The following MGMT variants were observed in gnomAD, a reference collection of about 807,000 sequenced individuals.
MGMT encodes O-6-methylguanine-DNA methyltransferase, also known as methylated-DNA--protein-cysteine methyltransferase.
Under a neutral mutation model 15.9 loss-of-function variants are expected in MGMT, and 14 were observed. That is an observed-to-expected ratio of 0.88 (90% CI 0.58 to 1.37). MGMT has a LOEUF of 1.37. Among genes scored for constraint, MGMT ranks in the 40% most tolerant of loss-of-function variants. The pLI is 0.00. For synonymous variants in MGMT, 130 were observed against 118.2 expected (o/e 1.10, Z -0.65); for missense variants, 282 against 268.1 (o/e 1.05, Z -0.36).
intron 2 of MGMT, among the ~76,000 whole-genome samples, chr10:129,602,334 T>C (rs1846833798): frequency 6.6e-6 from 1 of 152,142 alleles, no homozygotes; most frequent in Non-Finnish European, 1.5e-5. Context: ...GAGGTTGGCA[T>C]TTGAGACCTC....
At chr10:129,605,079 T>C (rs972299694) in intron 2 of MGMT, among the ~76,000 whole-genome samples, 11 of 152,332 alleles carry the variant, frequency 7.2e-5, no homozygotes, top group African/African-American at 2.6e-4. Context: ...GACTGCATCT[T>C]GTTGTTTCTT....
rs184112253 is a variant in MGMT, at chr10:129,677,785, G to A, written c.126-30110G>A. 2.1e-4 allele frequency among the ~76,000 whole-genome samples: 32 copies of A among 152,314 alleles called. No individual in the cohort carries two copies. In the East Asian group the frequency reaches 4.6e-3, roughly 22 times the overall value. Reference sequence around the variant, plus strand: ...TGAAGGGTGTGGGCCAGCCGGGGGCGAAGGAACAGGTCACCGAGGCCACTG... The same window carrying A: ...TGAAGGGTGTGGGCCAGCCGGGGGCAAAGGAACAGGTCACCGAGGCCACTG... On this transcript the variant is annotated intron_variant, in intron 2 of 4. Transcript: ENST00000651593.
chr10:129,603,995 A>G (rs960584243), intron 2 of MGMT, among the ~76,000 whole-genome samples: 12 of 152,126 alleles, frequency 7.9e-5, no homozygotes, highest in African/African-American at 2.7e-4. Flanking sequence ...CTCTTAGAAG[A>G]TTTGATGTGT....
chr10:129,504,683 G>GC (rs1845607675), intron 1 of MGMT, among the ~76,000 whole-genome samples: 1 of 152,118 alleles, frequency 6.6e-6, no homozygotes, highest in Non-Finnish European at 1.5e-5. Context: ...TCCTCCCCTG[G>GC]CCAGATTGTG....
intron 2 of MGMT, among the ~76,000 whole-genome samples, chr10:129,606,496 G>A (rs755442187): frequency 6.6e-6 from 1 of 152,210 alleles, no homozygotes; most frequent in Non-Finnish European, 1.5e-5. Flanking sequence ...TGTGGGCACC[G>A]AGGGCCTCCG....
At position 129,618,020 on chromosome 10, in the gene MGMT, G is replaced by T. The variant is rs543177717; in HGVS notation, c.125+81643G>T. 2.6e-5 allele frequency among the ~76,000 whole-genome samples: 4 copies of T among 152,102 alleles called. No homozygotes were observed. The South Asian group carries it at 8.3e-4, about 32-fold the overall frequency. ...GGGTGTGAAGAGGCCTCCTGTGTGG[G>T]CTGCACCACTGTCTCCGGGATTCTT... is the stretch of plus-strand genomic sequence containing the variant. On this transcript the variant is annotated intron_variant, in intron 2 of 4. Transcript: ENST00000651593.
At position 129,676,293 on chromosome 10, in the gene MGMT, G is replaced by A. The variant is rs1469881614; in HGVS notation, c.126-31602G>A. 2.0e-5 allele frequency among the ~76,000 whole-genome samples: 3 copies of A among 152,200 alleles called. No individual in the cohort carries two copies. The South Asian group carries it at 6.2e-4, about 32-fold the overall frequency. On this transcript the variant is annotated intron_variant, in intron 2 of 4. Coordinates refer to ENST00000651593, the MANE Select transcript of MGMT (RefSeq NM_002412.5). The stretch of plus-strand genomic sequence containing the variant: ...TCCTTGGTAATGGGACACTTTGGCC[G>A]CTGTCATGGTTGGCCAGGCTCGGTG...
At chr10:129,667,930 T>C (rs1847678277) in intron 2 of MGMT, among the ~76,000 whole-genome samples, 1 of 152,228 alleles carries the variant, frequency 6.6e-6, no homozygotes, top group Non-Finnish European at 1.5e-5. Context: ...CTTTCACCCA[T>C]TCTCTTATTG....
At chr10:129,615,674 C>T (rs898533616) in intron 2 of MGMT, among the ~76,000 whole-genome samples, 2 of 152,144 alleles carry the variant, frequency 1.3e-5, no homozygotes, top group South Asian at 2.1e-4. Flanking sequence ...AGCATCTCTG[C>T]TGAGGCTGCC....
intron 3 of MGMT, among the ~76,000 whole-genome samples, chr10:129,723,854 G>A (rs976036366): frequency 6.6e-6 from 1 of 152,148 alleles, no homozygotes; most frequent in Admixed American, 6.5e-5. Context: ...TATATCCCAG[G>A]GCAGCTCAGA....
intron 3 of MGMT, among the ~76,000 whole-genome samples, chr10:129,744,460 C>A (rs573908426): frequency 9.2e-5 from 14 of 152,374 alleles, no homozygotes; most frequent in Non-Finnish European, 1.8e-4. Context: ...GTTCCTTCTG[C>A]AGGTCACCCA....
chr10:129,665,381 G>GGCA (rs1847647924), intron 2 of MGMT, among the ~76,000 whole-genome samples: 1 of 151,460 alleles, frequency 6.6e-6, no homozygotes, highest in Non-Finnish European at 1.5e-5. Flanking sequence ...TCCCTCACTT[G>GGCA]GAGAACTGAG....
chr10:129,731,735 C>G (rs1848500116), intron 3 of MGMT, among the ~76,000 whole-genome samples: 1 of 152,118 alleles, frequency 6.6e-6, no homozygotes, highest in Non-Finnish European at 1.5e-5. Context: ...AAAATAACAA[C>G]AGTAAACCTA....
At chr10:129,627,636 C>T (rs1158682140) in intron 2 of MGMT, among the ~76,000 whole-genome samples, 1 of 152,134 alleles carries the variant, frequency 6.6e-6, no homozygotes, top group Non-Finnish European at 1.5e-5. Context: ...ATGATTTCAT[C>T]CGGAAGCGGC....
At chr10:129,606,751 G>A (rs492549) in intron 2 of MGMT, among the ~76,000 whole-genome samples, 152,212 of 152,352 alleles carry the variant, frequency 1, 76,037 homozygotes, top group Middle Eastern at 1. Flanking sequence ...CGTCTACGGT[G>A]GGATAATAAT....
chr10:129,489,252 C>T (rs977569405), intron 1 of MGMT, among the ~76,000 whole-genome samples: 52 of 145,284 alleles, frequency 3.6e-4, no homozygotes, highest in African/African-American at 1.3e-3. Flanking sequence ...CCCAGTTACT[C>T]GGGAGGCTGA....
chr10:129,533,863 G>C lies in MGMT; in HGVS notation c.-12-2378G>C, dbSNP rs12257108. Among the ~76,000 whole-genome samples, 33,490 of 152,056 alleles carry C rather than the reference G, an allele frequency of 0.22. 4,274 individuals are homozygous for C. The highest frequency in any genetic ancestry group is 0.28 in the Non-Finnish European group (19,368 of 67,972). ...ATTGTGGCTCTGAGAAATGGAGATG[G>C]GAGAAGGGGAGGCAGTCACTTTGGA... is the stretch of plus-strand genomic sequence containing the variant. On this transcript the variant is annotated intron_variant, in intron 1 of 4. Transcript: ENST00000651593. This position sits in a 1 kb window ranked among gnomAD's most constrained non-coding sequence, Gnocchi z 4.5.
At chr10:129,592,193 T>G (rs1482145608) in intron 2 of MGMT, among the ~76,000 whole-genome samples, 2 of 152,202 alleles carry the variant, frequency 1.3e-5, no homozygotes, top group African/African-American at 4.8e-5. Context: ...GCCAACCATA[T>G]TTACCCACAC....
rs1848952540 is a variant in MGMT, at chr10:129,767,453, T to C, written c.*456T>C. 6.5e-6 allele frequency: 1 copy of C among 154,270 alleles called. No individual in the cohort carries two copies. Among genetic ancestry groups the C allele is most frequent in the Admixed American group, 6.5e-5 (1 of 15,380 alleles). 9.6% of individuals were successfully genotyped at this position (154,270 alleles called of 1,614,324 possible). On this transcript the variant is annotated 3_prime_UTR_variant, in exon 5 of 5. Transcript: ENST00000651593. Reference sequence around the variant, plus strand: ...ATGGCATTCTCCACTCAGCAGTTCCTAGCATCCCACACCCAGGTCTCACTG... The same window carrying C: ...ATGGCATTCTCCACTCAGCAGTTCCCAGCATCCCACACCCAGGTCTCACTG...
Sources: allele counts gnomAD v4.1 joint callset (sites outside exome capture counted in the v4.1 genomes callset), GRCh38; gene constraint gnomAD v4.1.1; non-coding constraint Gnocchi (gnomAD v3.1); transcripts MANE v1.5; gene names NCBI Gene and HGNC (gene_info 2026-07-23, HGNC 2026-07-21).